Variants in CDK10 observed in about 807,000 individuals in gnomAD.
CDK10 encodes the protein cyclin dependent kinase 10, also known as cyclin-dependent kinase 10.
A neutral mutation model predicts 51.0 loss-of-function variants in CDK10; 55 were observed. That is an observed-to-expected ratio of 1.08 (90% CI 0.87 to 1.35). The LOEUF is 1.35. CDK10 is among the 40% of genes most tolerant of loss of function. The probability of loss-of-function intolerance (pLI) is 0.00; values close to 1 mark genes in which losing one functional copy is unlikely to be tolerated. For missense variants in CDK10, 589 were observed against 485.1 expected (o/e 1.21, Z -2.01); for synonymous variants, 255 against 199.1 (o/e 1.28, Z -2.36).
intron 2 of CDK10, chr16:89,690,046 CAG>C (rs1017027399): frequency 6.3e-6 from 1 of 157,950 alleles, no homozygotes; most frequent in African/African-American, 2.4e-5. Flanking sequence ...GCCTTGGCAA[CAG>C]AGTGAGACCC....
rs192221267 is a variant in CDK10 at position 89,686,722 on chromosome 16, A to G, written c.12A>G (p.Pro4=). The change falls in exon 1 of 13, where the codon CCA becomes CCG. Residue 4 remains proline (P), a synonymous_variant. Transcript: ENST00000353379. ...GGCCAGCGCTCGGCATGGCGGAGCC[A>G]GATCTGGAGTGCGAGCAGATCCGTC... The part of the protein sequence containing the change: MAE[P]DLECEQIRLK... The G allele has an allele frequency of 6.2e-7, 1 of 1,606,006 alleles. No individual in the cohort carries two copies.
chr16:89,686,908 G>A (rs1018823176), intron 1 of CDK10, 111 bp downstream of exon 1: 5 of 926,366 alleles, frequency 5.4e-6, no homozygotes, highest in African/African-American at 1.8e-5. Flanking sequence ...GGCACGGGCG[G>A]GAACGACAGT....
At chr16:89,695,127 TTCCC>T in intron 11 of CDK10, 57 bp downstream of exon 11, 1 of 1,572,768 alleles carries the variant, frequency 6.4e-7, no homozygotes, top group Non-Finnish European at 8.6e-7. Flanking sequence ...TCCAGACCGT[TTCCC>T]AGAGCCCAGC....
In CDK10 at chr16:89,695,718, T is replaced by C. The variant is rs748824828; in HGVS notation, c.*26T>C. ...CGGTGGGCCTGGCACACGCCTGTAT[T>C]CCCACACCAGGTCTTCCGATCAGTG... is the stretch of plus-strand genomic sequence containing the variant. On this transcript the variant is annotated 3_prime_UTR_variant, in exon 13 of 13. Transcript: ENST00000353379. 1.3e-6 allele frequency: 2 copies of C among 1,591,104 alleles called. No homozygotes were observed. Among genetic ancestry groups the C allele is most frequent in the Non-Finnish European group, 1.7e-6 (2 of 1,171,486 alleles).
intron 9 of CDK10, 152 bp downstream of exon 9, chr16:89,694,384 G>A (rs761401184): frequency 4.4e-6 from 4 of 916,860 alleles, no homozygotes; most frequent in Middle Eastern, 2.1e-4. Context: ...GCCTGAGCCT[G>A]GAAACCCAGG....
Position 89,692,464 on chromosome 16 carries a change from C to A in CDK10, c.433C>A (p.Leu145Met). Reference protein sequence around the residue: ...FSEAQVKCIVLQVLRGLQYLH... With the variant: ...FSEAQVKCIVMQVLRGLQYLH... ...CTCTGCACAGGTCAAGTGCATCGTG[C>A]TGCAGGTGCTCCGGGGCCTCCAGTA... is the stretch of plus-strand genomic sequence containing the variant. Residue 145 changes from leucine (L) to methionine (M), a missense_variant, in exon 6 of 13, where the codon CTG becomes ATG. Leu to Met is a conservative substitution (Grantham distance 15). Coordinates refer to ENST00000353379, the MANE Select transcript of CDK10 (RefSeq NM_052988.5). 1 of 1,596,052 alleles carries A rather than the reference C, an allele frequency of 6.3e-7. No homozygotes were observed. The highest frequency in any genetic ancestry group is 8.5e-7 in the Non-Finnish European group (1 of 1,170,992).
At chr16:89,687,608 G>A (rs148802133) in intron 1 of CDK10, 99 of 445,078 alleles carry the variant, frequency 2.2e-4, no homozygotes, top group African/African-American at 1.8e-3. Flanking sequence ...CTCTCGCCCA[G>A]GCTGGAATGC....
chr16:89,694,524 C>T (rs1323668717), intron 9 of CDK10, 141 bp from the exon 10 acceptor site: 2 of 1,448,778 alleles, frequency 1.4e-6, no homozygotes, highest in Middle Eastern at 2.1e-4. Flanking sequence ...TGGTCCCTGC[C>T]TGTCCTTCAC....
intron 11 of CDK10, 46 bp downstream of exon 11, chr16:89,695,116 G>A (rs1471306589): frequency 1.2e-5 from 19 of 1,581,760 alleles, no homozygotes; most frequent in Admixed American, 3.4e-5. Flanking sequence ...CACCCACACT[G>A]TCCAGACCGT....
intron 3 of CDK10, among the ~76,000 whole-genome samples, chr16:89,690,831 C>G (rs1219800917): frequency 2.0e-5 from 3 of 152,282 alleles, no homozygotes; most frequent in South Asian, 4.1e-4. Flanking sequence ...CCATCCCCTC[C>G]TCCCCCTCCT....
rs1380183635 is a variant in CDK10 at position 89,686,706 on chromosome 16, T to C, written c.-5T>C. ...CGCGCAAGAGAGGCGGGGCCAGCGC[T>C]CGGCATGGCGGAGCCAGATCTGGAG... On this transcript the variant is annotated 5_prime_UTR_variant, in exon 1 of 13. Transcript: ENST00000353379. The C allele has an allele frequency of 1.3e-6, 2 of 1,585,350 alleles. No homozygotes were observed. Among genetic ancestry groups the C allele is most frequent in the Middle Eastern group, 1.7e-4 (1 of 5,974 alleles).
chr16:89,694,634 T>C (rs377026255), intron 9 of CDK10, 31 bp from the exon 10 acceptor site: 1 of 1,571,142 alleles, frequency 6.4e-7, no homozygotes. Flanking sequence ...AGCAGACGTC[T>C]GGCCGCAGTG....
intron 1 of CDK10, 181 bp downstream of exon 1, chr16:89,686,978 A>T (rs1345671302): frequency 1.8e-6 from 1 of 544,148 alleles, no homozygotes; most frequent in Non-Finnish European, 3.2e-6. Context: ...GACCCCCGAC[A>T]GCCGGTCCCT....
rs567457996 is a variant in CDK10, at chr16:89,695,274, C to T, written c.933-19C>T. The T allele has an allele frequency of 3.2e-5, 51 of 1,605,268 alleles. 1 individual carries two copies. Among genetic ancestry groups the T allele is most frequent in the Admixed American group, 2.9e-4 (17 of 59,360 alleles). ...AAGCCGCACTCACAAGTCGCACTAA[C>T]GCAGGCTGCCTCCTCCAGGGCGACG... On this transcript the variant is annotated intron_variant, in intron 11 of 12. Transcript: ENST00000353379.
rs772349612 is a variant in CDK10 at position 89,695,061 on chromosome 16, C to T, written c.923C>T (p.Pro308Leu). The T allele has an allele frequency of 3.1e-6, 5 of 1,612,860 alleles. No homozygotes were observed. In the East Asian group the frequency reaches 8.9e-5, roughly 29 times the overall value. Residue 308 changes from proline (P) to leucine (L), a missense_variant, in exon 11 of 13, where the codon CCT becomes CTT. Physicochemically the swap from Pro to Leu is moderately conservative, Grantham distance 98. Transcript: ENST00000353379. ...CTGCACTTCCTGTTCATGTACGACC[C>T]TAAGAAAAGGTGCTGATCTCTGCAC... ...RLLHFLFMYD[P>L]KKRATAGDCL...
rs1432061618 is a variant in CDK10 at position 89,689,461 on chromosome 16, AG to A, written c.160+139del. ...TCTGAAACAGGGCAGAAACCTGTTC[AG>A]GAACTTCAATTCCTGATGTAGTTAT... On this transcript the variant is annotated intron_variant, in intron 2 of 12. Coordinates refer to ENST00000353379, the MANE Select transcript of CDK10 (RefSeq NM_052988.5). 1.2e-4 allele frequency: 82 copies of A among 695,654 alleles called. 1 individual carries two copies. In the South Asian group the frequency reaches 1.3e-3, roughly 11 times the overall value. 43.1% of individuals were successfully genotyped at this position (695,654 alleles called of 1,614,324 possible). A position where few individuals can be genotyped will look rare whatever the true frequency, so the allele number is the denominator to read the frequency against.
chr16:89,692,351 T>G, intron 5 of CDK10, 98 bp from the exon 6 acceptor site: 1 of 892,044 alleles, frequency 1.1e-6, no homozygotes, highest in Non-Finnish European at 1.7e-6. Context: ...CCTGGGCTAT[T>G]GGGACTGCTA....
At chr16:89,687,252 G>C (rs1189744623) in intron 1 of CDK10, 1 of 334,130 alleles carries the variant, frequency 3.0e-6, no homozygotes, top group Non-Finnish European at 6.0e-6. Context: ...CGCGAACCCT[G>C]GGCGCGTCCC....
chr16:89,692,500 A>AT lies in CDK10; in HGVS notation c.469_470insT (p.Asn157IlefsTer52). On this transcript the variant is annotated frameshift_variant, in exon 6 of 13. Coordinates refer to ENST00000353379, the MANE Select transcript of CDK10 (RefSeq NM_052988.5). LOFTEE classifies it high-confidence loss of function. Reference sequence around the variant, plus strand: ...CCGGGGCCTCCAGTATCTGCACAGGAACTTCATTATCCACAGGTGGGTGAC... The same window carrying AT: ...CCGGGGCCTCCAGTATCTGCACAGGATACTTCATTATCCACAGGTGGGTGAC... 1 of 1,594,296 alleles carries AT rather than the reference A, an allele frequency of 6.3e-7. No individual in the cohort carries two copies. Among genetic ancestry groups the AT allele is most frequent in the East Asian group, 2.4e-5 (1 of 42,492 alleles).
Sources: gnomAD v4.1 joint callset for allele counts (sites outside exome capture counted in the v4.1 genomes callset) on GRCh38, gnomAD v4.1.1 for gene constraint, MANE v1.5 for transcripts, NCBI Gene and HGNC (gene_info 2026-07-23, HGNC 2026-07-21) for gene names.